Variants in DGKI observed in about 807,000 individuals in gnomAD.
DGKI encodes DAG kinase iota.
DGKI carries 55 observed loss-of-function variants against 147.5 expected under a neutral mutation model. That is an observed-to-expected ratio of 0.37 (90% CI 0.30 to 0.47). DGKI has a LOEUF of 0.47. DGKI is among the 20% of genes least tolerant of loss of function. The probability of loss-of-function intolerance (pLI) is 1.00; values close to 1 mark genes in which losing one functional copy is unlikely to be tolerated. For missense variants in DGKI, 1,007 were observed against 1,323.8 expected (o/e 0.76, Z 3.71); for synonymous variants, 469 against 477.1 (o/e 0.98, Z 0.22).
At chr7:137,582,098 T>C (rs1563096589) in intron 14 of DGKI, among the ~76,000 whole-genome samples, 170 bp from the exon 15 acceptor site, 1 of 152,138 alleles carries the variant, frequency 6.6e-6, no homozygotes, top group Non-Finnish European at 1.5e-5. Context: ...ATTGGATTAA[T>C]TCATGAGTGA....
At chr7:137,792,080 A>G (rs948589104) in intron 1 of DGKI, among the ~76,000 whole-genome samples, 3 of 152,222 alleles carry the variant, frequency 2.0e-5, no homozygotes, top group African/African-American at 7.2e-5. Context: ...GGCATGAGCC[A>G]TAGGTCTAGA....
chr7:137,466,840 C>T (rs973099188), intron 25 of DGKI, 62 bp downstream of exon 25: 3 of 1,547,552 alleles, frequency 1.9e-6, no homozygotes, highest in African/African-American at 2.7e-5. Flanking sequence ...AGATTAGCTA[C>T]CAATAAAGCA....
chr7:137,447,887 AAC>A (rs1409051279), intron 27 of DGKI, among the ~76,000 whole-genome samples: 1 of 152,214 alleles, frequency 6.6e-6, no homozygotes, highest in Non-Finnish European at 1.5e-5. Context: ...CCATGTTAGT[AAC>A]ACAGAAAAAA....
intron 3 of DGKI, 123 bp from the exon 4 acceptor site, chr7:137,656,663 A>G: frequency 1.1e-6 from 1 of 908,502 alleles, no homozygotes; most frequent in African/African-American, 1.7e-5. Flanking sequence ...AATTATTTCT[A>G]TTACAAAGCA....
chr7:137,487,238 C>T (rs1212330707), intron 22 of DGKI, among the ~76,000 whole-genome samples: 1 of 152,166 alleles, frequency 6.6e-6, no homozygotes, highest in East Asian at 1.9e-4. Context: ...CTAGCTGTCT[C>T]TGACATAAGT....
intron 3 of DGKI, among the ~76,000 whole-genome samples, chr7:137,675,221 T>C (rs768865648): frequency 6.6e-6 from 1 of 152,126 alleles, no homozygotes; most frequent in Non-Finnish European, 1.5e-5. Flanking sequence ...CCTTGAAACA[T>C]GGCCACCCAC....
At chr7:137,777,224 T>C (rs1038114276) in intron 1 of DGKI, among the ~76,000 whole-genome samples, 1 of 152,006 alleles carries the variant, frequency 6.6e-6, no homozygotes, top group African/African-American at 2.4e-5. Flanking sequence ...CGGGAGAAAC[T>C]TTAGTATATA....
rs1798762162 is a variant in DGKI, at chr7:137,846,946, TC to T, written c.-85del. ...CAATCAGAGGCCGCCGCTCCCCGCC[TC>T]CCGCGCCCTCCCGCGCCGGCCCGCA... On this transcript the variant is annotated 5_prime_UTR_variant, in exon 1 of 33. Transcript: ENST00000614521. This position sits in a 1 kb window ranked among gnomAD's most constrained non-coding sequence, Gnocchi z 4.0. The T allele has an allele frequency of 9.4e-6, 9 of 960,360 alleles. No individual in the cohort carries two copies. Among genetic ancestry groups the T allele is most frequent in the Non-Finnish European group, 1.0e-5 (8 of 796,666 alleles). The allele number at this position is 960,360 out of a possible 1,614,324, so 59.5% of individuals were successfully genotyped here.
intron 1 of DGKI, among the ~76,000 whole-genome samples, chr7:137,715,893 C>A (rs1239470696): frequency 6.6e-6 from 1 of 152,128 alleles, no homozygotes; most frequent in Non-Finnish European, 1.5e-5. Flanking sequence ...ACCAGATAAA[C>A]AATCAGGTTC....
At chr7:137,685,202 T>G (rs1823375331) in intron 2 of DGKI, among the ~76,000 whole-genome samples, 1 of 152,128 alleles carries the variant, frequency 6.6e-6, no homozygotes, top group Non-Finnish European at 1.5e-5. Flanking sequence ...TCTGGCTTTG[T>G]TTGTGTTGAG....
intron 1 of DGKI, among the ~76,000 whole-genome samples, chr7:137,720,918 C>G (rs1044744533): frequency 3.9e-5 from 6 of 152,112 alleles, no homozygotes; most frequent in East Asian, 1.9e-4. Context: ...TAGAGGCAGC[C>G]CTGTTACAAA....
chr7:137,459,257 A>T (rs1470178543), intron 27 of DGKI, among the ~76,000 whole-genome samples: 1 of 152,220 alleles, frequency 6.6e-6, no homozygotes, highest in Non-Finnish European at 1.5e-5. Context: ...TTTTAAAACC[A>T]TGGGAAAATG....
intron 1 of DGKI, among the ~76,000 whole-genome samples, chr7:137,773,405 G>T (rs1029860591): frequency 2.0e-5 from 3 of 152,206 alleles, no homozygotes. Flanking sequence ...GCCTTAGAGT[G>T]TTGGCCTCTG....
intron 27 of DGKI, among the ~76,000 whole-genome samples, chr7:137,457,848 AT>A (rs1440396760): frequency 5.3e-5 from 8 of 151,468 alleles, no homozygotes; most frequent in East Asian, 1.9e-4. Context: ...TAATAAGCCT[AT>A]TTTTTTTCTT....
chr7:137,405,362 A>G (rs1165066005), intron 30 of DGKI, among the ~76,000 whole-genome samples: 4 of 152,128 alleles, frequency 2.6e-5, no homozygotes, highest in Non-Finnish European at 5.9e-5. Context: ...CTTCTGCCTC[A>G]GCCTCAAGTA....
intron 30 of DGKI, among the ~76,000 whole-genome samples, chr7:137,397,871 A>G: frequency 6.6e-6 from 1 of 152,144 alleles, no homozygotes; most frequent in East Asian, 1.9e-4. Context: ...GTTTTTATAA[A>G]ATTTCCCTTC....
In DGKI at chr7:137,485,537, G is replaced by C. The variant is rs930465847; in HGVS notation, c.2329-119C>G. ...TTACTATGCTCATCTGGAAAGTATCGAACACACCCAAATTCATAAAGGTTA... is the reference window on the plus strand; with the variant it reads ...TTACTATGCTCATCTGGAAAGTATCCAACACACCCAAATTCATAAAGGTTA... On this transcript the variant is annotated intron_variant, in intron 22 of 32. Transcript: ENST00000614521. The C allele has an allele frequency of 5.4e-6, 4 of 738,072 alleles. No homozygotes were observed. In the Admixed American group the frequency reaches 1.1e-4, roughly 21 times the overall value. The allele number at this position is 738,072 out of a possible 1,614,324, so 45.7% of individuals were successfully genotyped here. A position where few individuals can be genotyped will look rare whatever the true frequency, so the allele number is the denominator to read the frequency against.
chr7:137,441,191 T>C (rs1238388584), intron 28 of DGKI, among the ~76,000 whole-genome samples: 1 of 151,680 alleles, frequency 6.6e-6, no homozygotes, highest in Non-Finnish European at 1.5e-5. Flanking sequence ...GAGGCCGAGG[T>C]GGGCGAATCG....
rs565437963 is a variant in DGKI at position 137,439,732 on chromosome 7, A to G, written c.2761+4345T>C. On this transcript the variant is annotated intron_variant, in intron 28 of 32. Transcript: ENST00000614521. Reference sequence around the variant, plus strand: ...TACACTAGTGATTGTGGTTGTGACAATTTTATTTCCAAATAGCCATTACTG... The same window carrying G: ...TACACTAGTGATTGTGGTTGTGACAGTTTTATTTCCAAATAGCCATTACTG... Among the ~76,000 whole-genome samples, 4 of 152,262 alleles carry G rather than the reference A, an allele frequency of 2.6e-5. No homozygotes were observed. The East Asian group carries it at 7.7e-4, about 29-fold the overall frequency.
Sources: gnomAD v4.1 joint callset for allele counts (sites outside exome capture counted in the v4.1 genomes callset) on GRCh38, gnomAD v4.1.1 for gene constraint, Gnocchi (gnomAD v3.1) non-coding constraint, MANE v1.5 for transcripts, NCBI Gene and HGNC (gene_info 2026-07-23, HGNC 2026-07-21) for gene names.